The following TNNI3K variants were observed in gnomAD, a reference collection of about 807,000 sequenced individuals.
TNNI3K encodes TNNI3 interacting kinase.
In TNNI3K, 140 loss-of-function variants were observed where a neutral mutation model predicts 114.5. That is an observed-to-expected ratio of 1.22 (90% CI 1.07 to 1.41). The LOEUF is 1.41. TNNI3K is among the 40% of genes most tolerant of loss of function. The probability of loss-of-function intolerance (pLI) is 0.00; values close to 1 mark genes in which losing one functional copy is unlikely to be tolerated. For missense variants in TNNI3K, 1,125 were observed against 1,007.6 expected, an observed-to-expected ratio of 1.12 and a Z score of -1.58; for synonymous variants, 347 against 347.5, an observed-to-expected ratio of 1.00 and a Z score of 0.02.
At chr1:74,451,695 C>CT (rs34653118) in intron 20 of TNNI3K, among the ~76,000 whole-genome samples, 2,493 of 26,592 alleles carry the variant, frequency 0.094, 70 homozygotes, top group African/African-American at 0.19. Context: ...TTCTTTCTTT[C>CT]TTTCTTTCTT....
At chr1:74,374,041 C>A (rs1330395108) in intron 17 of TNNI3K, 1 of 151,822 alleles carries the variant, frequency 6.6e-6, no homozygotes, top group East Asian at 1.9e-4. Context: ...GAAAGAGTAC[C>A]TATAATATCT....
chr1:74,309,705 G>A lies in TNNI3K; in HGVS notation c.445-21745G>A, dbSNP rs374311074. 5.9e-5 allele frequency among the ~76,000 whole-genome samples: 9 copies of A among 151,930 alleles called. No individual in the cohort carries two copies. The East Asian group carries it at 1.7e-3, about 29-fold the overall frequency. The stretch of plus-strand genomic sequence containing the variant: ...CCACCTAAACAGAATTGACAACCAA[G>A]AACAAATTATCATCTCAATAGACAC... On this transcript the variant is annotated intron_variant, in intron 5 of 24. Coordinates refer to ENST00000326637, the MANE Select transcript of TNNI3K (RefSeq NM_015978.3).
intron 7 of TNNI3K, among the ~76,000 whole-genome samples, chr1:74,338,084 AT>A (rs1238062048): frequency 1.3e-5 from 2 of 152,068 alleles, no homozygotes; most frequent in East Asian, 3.9e-4. Context: ...ATATGAGAGA[AT>A]TGATAAATCG....
At chr1:74,515,141 G>A (rs74095307) in intron 23 of TNNI3K, among the ~76,000 whole-genome samples, 6,037 of 152,118 alleles carry the variant, frequency 0.04, 393 homozygotes, top group African/African-American at 0.14. Context: ...CTTTTAACCT[G>A]CATAACAGTG....
chr1:74,250,913 C>T (rs1654892539), intron 4 of TNNI3K, 144 bp downstream of exon 4: 1 of 603,296 alleles, frequency 1.7e-6, no homozygotes, highest in Admixed American at 4.1e-5. Flanking sequence ...ACTTCTTTCT[C>T]TTTATTGAGC....
At chr1:74,342,459 G>C (rs978648380) in intron 7 of TNNI3K, among the ~76,000 whole-genome samples, 1 of 152,122 alleles carries the variant, frequency 6.6e-6, no homozygotes, top group African/African-American at 2.4e-5. Context: ...GAATGGTGCT[G>C]TGGCCAGGAT....
At chr1:74,394,480 C>G (rs1663966964) in intron 17 of TNNI3K, among the ~76,000 whole-genome samples, 1 of 152,156 alleles carries the variant, frequency 6.6e-6, no homozygotes, top group African/African-American at 2.4e-5. Flanking sequence ...AGTCAGCAAA[C>G]TACAGAAGAA....
At chr1:74,380,237 A>G (rs1171299514) in intron 17 of TNNI3K, among the ~76,000 whole-genome samples, 2 of 152,176 alleles carry the variant, frequency 1.3e-5, no homozygotes, top group Non-Finnish European at 2.9e-5. Context: ...TATCTGTATA[A>G]CAGCACAGAA....
At chr1:74,419,338 C>CA (rs1665283612) in intron 17 of TNNI3K, among the ~76,000 whole-genome samples, 1 of 152,052 alleles carries the variant, frequency 6.6e-6, no homozygotes, top group African/African-American at 2.4e-5. Context: ...GATCTCATCT[C>CA]AAAAAACTTA....
At chr1:74,409,713 C>T (rs561203078) in intron 17 of TNNI3K, among the ~76,000 whole-genome samples, 2 of 151,956 alleles carry the variant, frequency 1.3e-5, no homozygotes, top group African/African-American at 2.4e-5. Context: ...AGGCTGGTCT[C>T]GAACTCCTGA....
intron 2 of TNNI3K, chr1:74,240,392 C>T (rs1418493639): frequency 6.6e-6 from 1 of 152,380 alleles, no homozygotes; most frequent in African/African-American, 2.4e-5. Context: ...GTTAACAACC[C>T]TCTGAAGTAA....
chr1:74,342,840 A>G lies in TNNI3K; in HGVS notation c.683-2A>G, dbSNP rs1437286585. On this transcript the variant is annotated splice_acceptor_variant, in intron 7 of 24. Coordinates refer to ENST00000326637, the MANE Select transcript of TNNI3K (RefSeq NM_015978.3). LOFTEE classifies it high-confidence loss of function. ...TATCTTTTTCTTTCTTGCTGATAAC[A>G]GTGAATGCTCAAGATAATGAAGACC... The G allele has an allele frequency of 5.0e-6, 8 of 1,613,484 alleles. No homozygotes were observed. Among genetic ancestry groups the G allele is most frequent in the Non-Finnish European group, 6.8e-6 (8 of 1,179,806 alleles).
At position 74,409,477 on chromosome 1, in the gene TNNI3K, A is replaced by G. The variant is rs185132808; in HGVS notation, c.1773-26603A>G. ...TATTCTACAATATGTAAACTATTTT[A>G]TTTTCTATTTGTTTCTTTTTTTTTT... On this transcript the variant is annotated intron_variant, in intron 17 of 24. Transcript: ENST00000326637. Among the ~76,000 whole-genome samples, 21 of 133,668 alleles carry G rather than the reference A, an allele frequency of 1.6e-4. No individual in the cohort carries two copies. The East Asian group carries it at 3.7e-3, about 23-fold the overall frequency. 87.7% of individuals were successfully genotyped at this position (133,668 alleles called of 152,430 possible). A position where few individuals can be genotyped will look rare whatever the true frequency, so the allele number is the denominator to read the frequency against.
At chr1:74,261,393 C>T (rs1455518690) in intron 4 of TNNI3K, among the ~76,000 whole-genome samples, 1 of 151,960 alleles carries the variant, frequency 6.6e-6, no homozygotes, top group African/African-American at 2.4e-5. Context: ...CTGAAGCCGC[C>T]AGTGTAAATT....
chr1:74,460,312 C>T (rs368761536), intron 20 of TNNI3K, among the ~76,000 whole-genome samples: 8 of 151,918 alleles, frequency 5.3e-5, no homozygotes, highest in Admixed American at 2.0e-4. Flanking sequence ...CGTGATCTGC[C>T]GCCTCGGCCT....
At chr1:74,322,854 A>C (rs190076320) in intron 5 of TNNI3K, among the ~76,000 whole-genome samples, 41 of 152,236 alleles carry the variant, frequency 2.7e-4, no homozygotes, top group African/African-American at 9.9e-4. Flanking sequence ...AAAACAAAAC[A>C]AAACTTACTG....
intron 20 of TNNI3K, among the ~76,000 whole-genome samples, chr1:74,463,157 T>C (rs1446727780): frequency 6.6e-6 from 1 of 152,208 alleles, no homozygotes; most frequent in Non-Finnish European, 1.5e-5. Context: ...ACCCTATACT[T>C]CAGACAAACA....
intron 23 of TNNI3K, among the ~76,000 whole-genome samples, chr1:74,507,939 C>G (rs1669989636): frequency 6.6e-6 from 1 of 152,138 alleles, no homozygotes. Context: ...GGGAGTTTGC[C>G]AGGAACCAAA....
At chr1:74,416,683 C>A in intron 17 of TNNI3K, 1 of 508,566 alleles carries the variant, frequency 2.0e-6, no homozygotes, top group Non-Finnish European at 2.5e-6. Context: ...CTTATTCTTA[C>A]ATTAAATATC....
Sources: allele counts gnomAD v4.1 joint callset (sites outside exome capture counted in the v4.1 genomes callset), GRCh38; gene constraint gnomAD v4.1.1; transcripts MANE v1.5; gene names NCBI Gene and HGNC (gene_info 2026-07-23, HGNC 2026-07-21).